CFTR: variants seen among roughly 807,000 people sequenced by gnomAD.
CFTR encodes the protein cystic fibrosis transmembrane conductance regulator.
Under a neutral mutation model 171.6 loss-of-function variants are expected in CFTR, and 181 were observed. The observed-to-expected ratio is 1.05, with a 90% CI of 0.93 to 1.19. CFTR has a LOEUF of 1.19. Ranked by LOEUF, CFTR falls within the 50% of genes most tolerant of loss-of-function variation. The pLI is 0.00. For missense variants in CFTR, 1,968 were observed against 1,734.7 expected (o/e 1.13, Z -2.39); for synonymous variants, 583 against 608.0 (o/e 0.96, Z 0.60).
At chr7:117,593,242 A>G (rs973299832) in intron 14 of CFTR, among the ~76,000 whole-genome samples, 18 of 152,190 alleles carry the variant, frequency 1.2e-4, no homozygotes, top group Admixed American at 1.1e-3. Flanking sequence ...ACTAGTGCCA[A>G]TCTTCAGACA....
rs867839908 is a variant in CFTR, at chr7:117,501,515, G to A, written c.54-2738G>A. Among the ~76,000 whole-genome samples, 11 of 151,592 alleles carry A rather than the reference G, an allele frequency of 7.3e-5. No individual in the cohort carries two copies. The South Asian group carries it at 8.3e-4, about 11-fold the overall frequency. ...AATCCCAGCACTTTGGGAGACCGAG[G>A]CAGGTGGATTGCCTGAAGTCAGGGG... is the stretch of plus-strand genomic sequence containing the variant. On this transcript the variant is annotated intron_variant, in intron 1 of 26. Coordinates refer to ENST00000003084, the MANE Select transcript of CFTR (RefSeq NM_000492.4).
chr7:117,570,838 A>T (rs1475283264), intron 11 of CFTR, among the ~76,000 whole-genome samples: 1 of 152,244 alleles, frequency 6.6e-6, no homozygotes, highest in Non-Finnish European at 1.5e-5. Flanking sequence ...GATACCAAAG[A>T]TTAGTGAACT....
intron 20 of CFTR, among the ~76,000 whole-genome samples, chr7:117,612,042 T>A (rs1562915142): frequency 1.3e-5 from 1 of 74,926 alleles, no homozygotes; most frequent in Non-Finnish European, 2.8e-5. Context: ...TATATATATA[T>A]ATATATATAT....
intron 1 of CFTR, among the ~76,000 whole-genome samples, chr7:117,503,486 C>A (rs1172632303): frequency 2.0e-5 from 3 of 152,154 alleles, no homozygotes; most frequent in African/African-American, 7.2e-5. Flanking sequence ...ATTTTCCTAT[C>A]TTTATGAAGA....
At chr7:117,553,489 C>T (rs1053754205) in intron 10 of CFTR, among the ~76,000 whole-genome samples, 2 of 152,250 alleles carry the variant, frequency 1.3e-5, no homozygotes, top group Admixed American at 6.5e-5. Context: ...AAATGTCCTT[C>T]CCTGAAATTT....
chr7:117,595,137 A>G, intron 15 of CFTR, 79 bp downstream of exon 15: 1 of 1,122,996 alleles, frequency 8.9e-7, no homozygotes, highest in South Asian at 1.3e-5. Flanking sequence ...ATATATATGC[A>G]CACACATAAA....
intron 10 of CFTR, among the ~76,000 whole-genome samples, chr7:117,555,258 A>G (rs1393327279): frequency 2.6e-5 from 4 of 152,236 alleles, no homozygotes; most frequent in Non-Finnish European, 5.9e-5. Context: ...TCAAAACTTA[A>G]CACACACTAA....
chr7:117,587,465 C>T (rs1167070723), intron 11 of CFTR, among the ~76,000 whole-genome samples: 1 of 152,102 alleles, frequency 6.6e-6, no homozygotes, highest in African/African-American at 2.4e-5. Flanking sequence ...TAAATATACA[C>T]ATATTTTAAT....
chr7:117,640,980 T>C (rs879704886), intron 22 of CFTR, among the ~76,000 whole-genome samples: 1 of 152,178 alleles, frequency 6.6e-6, no homozygotes, highest in Admixed American at 6.5e-5. Flanking sequence ...TGAACTTATA[T>C]TTTTGGTACA....
chr7:117,501,884 A>G (rs1798338872), intron 1 of CFTR, among the ~76,000 whole-genome samples: 1 of 150,130 alleles, frequency 6.7e-6, no homozygotes, highest in African/African-American at 2.4e-5. Flanking sequence ...ATTTGCCTTC[A>G]TTGTATTTGA....
chr7:117,661,259 TA>T (rs1230391214), intron 24 of CFTR, among the ~76,000 whole-genome samples: 1 of 152,216 alleles, frequency 6.6e-6, no homozygotes, highest in Non-Finnish European at 1.5e-5. Context: ...TCACAGTGAA[TA>T]AAACAGTGAG....
chr7:117,494,512 T>G (rs2116622876), intron 1 of CFTR, among the ~76,000 whole-genome samples: 1 of 152,212 alleles, frequency 6.6e-6, no homozygotes, highest in Non-Finnish European at 1.5e-5. Context: ...AATAAACACT[T>G]TAGCAAAGAA....
chr7:117,550,601 A>G (rs142121670), intron 10 of CFTR, among the ~76,000 whole-genome samples: 1 of 152,212 alleles, frequency 6.6e-6, no homozygotes, highest in African/African-American at 2.4e-5. Flanking sequence ...ATGTTTATTT[A>G]TGAAAAGGTA....
chr7:117,667,070 G>A lies in CFTR; in HGVS notation c.4405G>A (p.Glu1469Lys). Residue 1469 changes from glutamate to lysine, a missense_variant, in exon 27 of 27, where the codon GAG becomes AAG. Glu to Lys is a moderately conservative substitution (Grantham distance 56). Coordinates refer to ENST00000003084, the MANE Select transcript of CFTR (RefSeq NM_000492.4). The stretch of plus-strand genomic sequence containing the variant: ...TAAGCCCCAGATTGCTGCTCTGAAA[G>A]AGGAGACAGAAGAAGAGGTGCAAGA... ...KSKPQIAALK[E>K]ETEEEVQDTR... 6.2e-7 allele frequency: 1 copy of A among 1,614,046 alleles called. No homozygotes were observed. Among genetic ancestry groups the A allele is most frequent in the Non-Finnish European group, 8.5e-7 (1 of 1,179,956 alleles).
At chr7:117,503,155 T>A (rs1325994514) in intron 1 of CFTR, among the ~76,000 whole-genome samples, 2 of 152,222 alleles carry the variant, frequency 1.3e-5, no homozygotes, top group African/African-American at 2.4e-5. Flanking sequence ...ATCTTTTCTA[T>A]AATGAATTTA....
At chr7:117,517,009 T>G (rs1200454246) in intron 3 of CFTR, among the ~76,000 whole-genome samples, 2 of 152,186 alleles carry the variant, frequency 1.3e-5, no homozygotes, top group African/African-American at 4.8e-5. Context: ...GTGCAGAATG[T>G]GCAGGTTTGT....
intron 23 of CFTR, among the ~76,000 whole-genome samples, chr7:117,648,089 A>T (rs1005690869): frequency 6.8e-6 from 1 of 147,554 alleles, no homozygotes; most frequent in Non-Finnish European, 1.5e-5. Context: ...ATATGTATTT[A>T]TATATATATG....
intron 11 of CFTR, among the ~76,000 whole-genome samples, chr7:117,586,569 T>C (rs2116013704): frequency 6.6e-6 from 1 of 152,284 alleles, no homozygotes; most frequent in Non-Finnish European, 1.5e-5. Context: ...GCATGTAAAG[T>C]CCTATTTATG....
At chr7:117,552,702 C>G (rs1348545952) in intron 10 of CFTR, among the ~76,000 whole-genome samples, 2 of 152,050 alleles carry the variant, frequency 1.3e-5, no homozygotes, top group African/African-American at 4.8e-5. Context: ...AGATGTTTCT[C>G]TCTATATATA....
Sources: gnomAD v4.1 joint callset for allele counts (sites outside exome capture counted in the v4.1 genomes callset) on GRCh38, gnomAD v4.1.1 for gene constraint, MANE v1.5 for transcripts, NCBI Gene and HGNC (gene_info 2026-07-23, HGNC 2026-07-21) for gene names.